NUF2: variants seen among roughly 807,000 people sequenced by gnomAD.
NUF2 encodes NUF2 component of NDC80 kinetochore complex.
NUF2 carries 34 observed loss-of-function variants against 61.8 expected under a neutral mutation model. The observed-to-expected ratio is 0.55, with a 90% CI of 0.42 to 0.73. The LOEUF (loss-of-function observed/expected upper bound fraction) is 0.73. Ranked by LOEUF, NUF2 falls within the 30% of genes least tolerant of loss-of-function variation. The pLI is 0.00. For missense variants in NUF2, 445 were observed against 539.1 expected, an observed-to-expected ratio of 0.83 and a Z score of 1.73; for synonymous variants, 172 against 181.6, an observed-to-expected ratio of 0.95 and a Z score of 0.42.
At chr1:163,327,218 T>G (rs1334764712) in intron 2 of NUF2, among the ~76,000 whole-genome samples, 2 of 152,054 alleles carry the variant, frequency 1.3e-5, no homozygotes, top group African/African-American at 4.8e-5. Context: ...TTCTATTTCC[T>G]AAGGTGGATG....
chr1:163,347,873 C>T lies in NUF2; in HGVS notation c.1059C>T (p.Ala353=). 3.1e-6 allele frequency: 5 copies of T among 1,610,232 alleles called. No individual in the cohort carries two copies. The highest frequency in any genetic ancestry group is 3.4e-6 in the Non-Finnish European group (4 of 1,178,624). Residue 353 remains alanine (A), a synonymous_variant, in exon 12 of 14, where the codon GCC becomes GCT. Transcript: ENST00000271452. ...RLMIVKKEKL[A]TAQFKINKKH... is the part of the protein sequence containing the mutation. ...TGATTGTGAAGAAGGAAAAACTTGC[C>T]ACAGCACAATTCAAAATAAATAAGA...
rs187512471 is a variant in NUF2, at chr1:163,354,005, C to T, written c.1261-1330C>T. On this transcript the variant is annotated intron_variant, in intron 13 of 13. Transcript: ENST00000271452. ...GATAGTTTCTCATAAGGAATATCTT[C>T]CTACCAAATTTATTCAGCTTTCTTT... is the stretch of plus-strand genomic sequence containing the variant. Among the ~76,000 whole-genome samples, 18 of 152,256 alleles carry T rather than the reference C, an allele frequency of 1.2e-4. No individual in the cohort carries two copies. The East Asian group carries it at 3.3e-3, about 28-fold the overall frequency.
chr1:163,325,980 T>C lies in NUF2; in HGVS notation c.-20-52T>C. 2 of 1,399,744 alleles carry C rather than the reference T, an allele frequency of 1.4e-6. 1 individual carries two copies. Among genetic ancestry groups the C allele is most frequent in the Admixed American group, 3.6e-5 (2 of 55,084 alleles). 86.7% of individuals were successfully genotyped at this position (1,399,744 alleles called of 1,614,324 possible). ...GTCATTATGTTTATTAGTTTCCAGA[T>C]AATGAGAACTACTGATCATGTGGTA... On this transcript the variant is annotated intron_variant, in intron 1 of 13. Transcript: ENST00000271452.
intron 9 of NUF2, among the ~76,000 whole-genome samples, chr1:163,340,901 T>C (rs1351894345): frequency 6.6e-6 from 1 of 152,210 alleles, no homozygotes; most frequent in African/African-American, 2.4e-5. Context: ...AATTTTTTGC[T>C]ATTAAACAGA....
intron 5 of NUF2, among the ~76,000 whole-genome samples, chr1:163,329,868 C>T (rs187117481): frequency 6.6e-6 from 1 of 152,234 alleles, no homozygotes; most frequent in African/African-American, 2.4e-5. Flanking sequence ...TTATTCAACA[C>T]TACAAGGAAA....
At chr1:163,335,203 C>T (rs4657261) in intron 5 of NUF2, among the ~76,000 whole-genome samples, 63,165 of 151,892 alleles carry the variant, frequency 0.42, 13,530 homozygotes, top group South Asian at 0.59. Context: ...CCGCCCACCT[C>T]GGCCTCCCAA....
intron 9 of NUF2, 39 bp from the exon 10 acceptor site, chr1:163,343,694 G>A (rs1251188271): frequency 9.9e-7 from 1 of 1,013,572 alleles, no homozygotes; most frequent in East Asian, 3.0e-5. Flanking sequence ...AAATCACCAA[G>A]TTTATTATAT....
intron 1 of NUF2, among the ~76,000 whole-genome samples, chr1:163,325,611 C>T (rs1422885761): frequency 6.6e-6 from 1 of 151,992 alleles, no homozygotes; most frequent in African/African-American, 2.4e-5. Context: ...ATTTTTTATG[C>T]CCTATATTAC....
At chr1:163,331,357 C>T (rs1256724557) in intron 5 of NUF2, among the ~76,000 whole-genome samples, 1 of 151,454 alleles carries the variant, frequency 6.6e-6, no homozygotes, top group Non-Finnish European at 1.5e-5. Context: ...CAGGATGTGT[C>T]CTGATTGGTT....
Position 163,349,038 on chromosome 1 carries a change from A to G in NUF2, c.1218A>G (p.Gln406=), listed in dbSNP as rs368896054. The G allele has an allele frequency of 2.6e-5, 42 of 1,612,200 alleles. No individual in the cohort carries two copies. The African/African-American group carries it at 2.7e-4, about 10-fold the overall frequency. ...QEIQKIKLGI[Q]QLKDAAEREK... is the part of the protein sequence containing the mutation. Reference sequence around the variant, plus strand: ...TCCAAAAAATTAAACTTGGAATTCAACAACTAAAAGATGCTGCTGAAAGGG... The same window carrying G: ...TCCAAAAAATTAAACTTGGAATTCAGCAACTAAAAGATGCTGCTGAAAGGG... The change falls in exon 13 of 14, where the codon CAA becomes CAG. Residue 406 remains glutamine, a synonymous_variant. Transcript: ENST00000271452.
At chr1:163,327,961 T>C (rs1056603420) in intron 3 of NUF2, 7 of 386,000 alleles carry the variant, frequency 1.8e-5, no homozygotes, top group Non-Finnish European at 2.7e-5. Flanking sequence ...ATGAGGCAAC[T>C]GAGCTTTTAG....
chr1:163,339,287 A>G, intron 7 of NUF2, 94 bp from the exon 8 acceptor site: 1 of 725,542 alleles, frequency 1.4e-6, no homozygotes, highest in South Asian at 1.8e-5. Flanking sequence ...ATAAAAGTAG[A>G]CAATTTCTTC....
intron 3 of NUF2, 76 bp downstream of exon 3, chr1:163,327,638 A>G (rs1650469332): frequency 1.2e-6 from 1 of 869,420 alleles, no homozygotes; most frequent in Admixed American, 1.8e-5. Flanking sequence ...AGTTCTGCTT[A>G]CAATGCATAC....
intron 13 of NUF2, among the ~76,000 whole-genome samples, chr1:163,354,203 A>G (rs1018654703): frequency 2.0e-5 from 3 of 152,106 alleles, no homozygotes; most frequent in Admixed American, 6.6e-5. Flanking sequence ...TTATTTTCCT[A>G]TTGGTTCATA....
In NUF2 at chr1:163,338,025, C is replaced by T. The variant is rs768598726; in HGVS notation, c.441C>T (p.Ser147=). The T allele has an allele frequency of 2.5e-6, 4 of 1,612,088 alleles. No homozygotes were observed. The highest frequency in any genetic ancestry group is 2.5e-6 in the Non-Finnish European group (3 of 1,178,718). The change falls in exon 7 of 14, where the codon TCC becomes TCT. Residue 147 remains serine (S), a synonymous_variant. Coordinates refer to ENST00000271452, the MANE Select transcript of NUF2 (RefSeq NM_145697.3). The part of the protein sequence containing the change: ...TYMEFLWQYK[S]SADKMQQLNA... ...GATTAAAATTGCTTTAATAGAAATC[C>T]TCTGCGGACAAAATGCAACAGTTAA...
chr1:163,351,333 C>A (rs1651310777), intron 13 of NUF2, among the ~76,000 whole-genome samples: 2 of 152,176 alleles, frequency 1.3e-5, no homozygotes, highest in African/African-American at 4.8e-5. Context: ...CCTGTCTTTT[C>A]CACATAAAGT....
intron 10 of NUF2, among the ~76,000 whole-genome samples, chr1:163,345,065 A>G (rs1204064661): frequency 1.3e-5 from 2 of 152,202 alleles, no homozygotes. Flanking sequence ...AAAAGTAGAC[A>G]CATTAGAACA....
intron 13 of NUF2, among the ~76,000 whole-genome samples, chr1:163,354,408 G>C (rs1651421949): frequency 6.6e-6 from 1 of 152,064 alleles, no homozygotes; most frequent in African/African-American, 2.4e-5. Context: ...GCTGGAAATA[G>C]GGTTCTTTTT....
At chr1:163,336,912 T>C (rs1650778729) in intron 6 of NUF2, 64 bp downstream of exon 6, 2 of 1,052,738 alleles carry the variant, frequency 1.9e-6, no homozygotes, top group African/African-American at 1.6e-5. Context: ...GAACTTATAA[T>C]CTGTTTTGAA....
Sources: gnomAD v4.1 joint callset for allele counts (sites outside exome capture counted in the v4.1 genomes callset) on GRCh38, gnomAD v4.1.1 for gene constraint, MANE v1.5 for transcripts, NCBI Gene and HGNC (gene_info 2026-07-23, HGNC 2026-07-21) for gene names.